Variants in PLEKHA7 observed in about 807,000 individuals in gnomAD.
The protein encoded by PLEKHA7 is pleckstrin homology domain containing A7.
PLEKHA7 carries 104 observed loss-of-function variants against 170.0 expected under a neutral mutation model. The ratio of observed to expected loss-of-function variants is 0.61; its 90% CI spans 0.52 to 0.72. PLEKHA7 has a LOEUF of 0.72. PLEKHA7 is among the 30% of genes least tolerant of loss of function. PLEKHA7 has a pLI of 0.00. For synonymous variants in PLEKHA7, 648 were observed against 660.8 expected (o/e 0.98, Z 0.30); for missense variants, 1,615 against 1,671.7 (o/e 0.97, Z 0.59).
At chr11:16,895,420 C>T (rs1313692733) in intron 3 of PLEKHA7, among the ~76,000 whole-genome samples, 1 of 152,222 alleles carries the variant, frequency 6.6e-6, no homozygotes, top group Non-Finnish European at 1.5e-5. Flanking sequence ...GCACTTCCTC[C>T]TTTGGCAACA....
chr11:16,887,336 CCCTCTCCCTCTCCCCACGGTCTG>C (rs796562694), intron 3 of PLEKHA7, among the ~76,000 whole-genome samples: 42,657 of 143,644 alleles, frequency 0.3, 7,695 homozygotes, highest in East Asian at 0.6. Flanking sequence ...CCCACGGTCT[CCCTCTCCCTCTCCCCACGGTCTG>C]CCTCTCCCTC....
rs544516342 is a variant in PLEKHA7 at position 16,818,191 on chromosome 11, A to T, written c.1344-869T>A. On this transcript the variant is annotated intron_variant, in intron 10 of 26. Coordinates refer to ENST00000531066, the MANE Select transcript of PLEKHA7 (RefSeq NM_001329630.2). ...TAACCTGGGTTTGAAGCCAAGCTTG[A>T]CACTTGCTGGCTTTGTGACCCTAGG... Among the ~76,000 whole-genome samples, 3 of 152,340 alleles carry T rather than the reference A, an allele frequency of 2.0e-5. No homozygotes were observed. In the East Asian group the frequency reaches 5.8e-4, roughly 29 times the overall value.
At chr11:16,990,273 CAAAAAAAAAA>C (rs550741646) in intron 3 of PLEKHA7, among the ~76,000 whole-genome samples, 3 of 62,700 alleles carry the variant, frequency 4.8e-5, no homozygotes, top group African/African-American at 1.9e-4. Flanking sequence ...GACCCTGTCT[CAAAAAAAAAA>C]AAAAAAAAAA....
chr11:16,801,701 G>C lies in PLEKHA7; in HGVS notation c.2274C>G (p.Val758=). Reference sequence around the variant, plus strand: ...CTCTGGAGAGCTCAGCTCGGATATGGACAAGGTCCTCCTGCAGCAACTTCT... The same window carrying C: ...CTCTGGAGAGCTCAGCTCGGATATGCACAAGGTCCTCCTGCAGCAACTTCT... ...YQQKLLQEDL[V]HIRAELSRES... The change falls in exon 16 of 27, where the codon GTC becomes GTG. Residue 758 remains valine, a synonymous_variant. Coordinates refer to ENST00000531066, the MANE Select transcript of PLEKHA7 (RefSeq NM_001329630.2). 1 of 1,614,098 alleles carries C rather than the reference G, an allele frequency of 6.2e-7. No homozygotes were observed. Among genetic ancestry groups the C allele is most frequent in the Non-Finnish European group, 8.5e-7 (1 of 1,180,020 alleles).
At chr11:16,940,359 C>T (rs1860607533) in intron 3 of PLEKHA7, among the ~76,000 whole-genome samples, 1 of 144,606 alleles carries the variant, frequency 6.9e-6, no homozygotes, top group African/African-American at 2.6e-5. Flanking sequence ...GTGATCTGGG[C>T]TCACTGAAAC....
intron 3 of PLEKHA7, among the ~76,000 whole-genome samples, chr11:16,919,962 G>C (rs1858968039): frequency 6.6e-6 from 1 of 152,064 alleles, no homozygotes; most frequent in East Asian, 1.9e-4. Flanking sequence ...TCATAACAGA[G>C]GACACTTACT....
At chr11:16,909,499 A>G (rs991606) in intron 3 of PLEKHA7, among the ~76,000 whole-genome samples, 80,965 of 152,084 alleles carry the variant, frequency 0.53, 22,568 homozygotes, top group African/African-American at 0.68. Context: ...GTAGTACCCT[A>G]GATACAGAGT....
chr11:16,794,425 G>T, intron 19 of PLEKHA7, 63 bp downstream of exon 19: 3 of 1,501,314 alleles, frequency 2.0e-6, no homozygotes, highest in South Asian at 2.3e-5. Flanking sequence ...TCTCTCCCAG[G>T]AGAAGGTAAT....
rs539625316 is a variant in PLEKHA7 at position 17,009,340 on chromosome 11, C to A, written c.221+4649G>T. Among the ~76,000 whole-genome samples, 26 of 152,246 alleles carry A rather than the reference C, an allele frequency of 1.7e-4. No homozygotes were observed. In the South Asian group the frequency reaches 5.2e-3, roughly 30 times the overall value. ...ATAAGAAAAGACACAAGAAAAAAAA[C>A]CATCTGCTATAGGAATGTCCAGGAT... On this transcript the variant is annotated intron_variant, in intron 3 of 26. Coordinates refer to ENST00000531066, the MANE Select transcript of PLEKHA7 (RefSeq NM_001329630.2).
Position 17,013,704 on chromosome 11 carries a change from G to T in PLEKHA7, c.221+285C>A, listed in dbSNP as rs6486343. Among the ~76,000 whole-genome samples, 96,600 of 152,112 alleles carry T rather than the reference G, an allele frequency of 0.64. 31,319 individuals carry two copies. The highest frequency in any genetic ancestry group is 0.96 in the East Asian group (4,953 of 5,150). On this transcript the variant is annotated intron_variant, in intron 3 of 26. Transcript: ENST00000531066. Reference sequence around the variant, plus strand: ...CCTAGAGGGGAGGCGTGCCCAGCCCGCACACCAGCACCCGAATCCAGCCGG... The same window carrying T: ...CCTAGAGGGGAGGCGTGCCCAGCCCTCACACCAGCACCCGAATCCAGCCGG...
At chr11:17,005,855 C>G (rs1590835494) in intron 3 of PLEKHA7, among the ~76,000 whole-genome samples, 3 of 152,276 alleles carry the variant, frequency 2.0e-5, no homozygotes, top group East Asian at 3.9e-4. Flanking sequence ...CAGTTTTTAC[C>G]CTTGAAAATG....
chr11:16,998,142 A>G (rs997944592), intron 3 of PLEKHA7, among the ~76,000 whole-genome samples: 4 of 152,230 alleles, frequency 2.6e-5, no homozygotes, highest in African/African-American at 9.6e-5. Context: ...TGAAGCCCTT[A>G]GAACAGTGTA....
At chr11:16,889,400 CAAAAAAAAAA>C (rs869268116) in intron 3 of PLEKHA7, among the ~76,000 whole-genome samples, 1 of 52,730 alleles carries the variant, frequency 1.9e-5, no homozygotes, top group African/African-American at 5.8e-5. Flanking sequence ...CTTTATTGCT[CAAAAAAAAAA>C]AAAAAAAAAA....
intron 23 of PLEKHA7, chr11:16,788,151 C>T (rs184706138): frequency 5.9e-5 from 9 of 152,560 alleles, no homozygotes; most frequent in African/African-American, 1.2e-4. Flanking sequence ...ATGACTGTGG[C>T]GTCAGGCAGC....
At chr11:16,915,922 CCT>C (rs1456739592) in intron 3 of PLEKHA7, among the ~76,000 whole-genome samples, 1 of 150,020 alleles carries the variant, frequency 6.7e-6, no homozygotes, top group Non-Finnish European at 1.5e-5. Context: ...GTTCTAGATC[CCT>C]GAGGAATCGC....
chr11:16,941,050 G>T (rs1297717932), intron 3 of PLEKHA7, among the ~76,000 whole-genome samples: 3 of 152,158 alleles, frequency 2.0e-5, no homozygotes, highest in Non-Finnish European at 4.4e-5. Context: ...TTACCTCCAA[G>T]AAATAACTAC....
intron 3 of PLEKHA7, among the ~76,000 whole-genome samples, chr11:16,890,678 T>C (rs73425234): frequency 0.013 from 1,916 of 152,228 alleles, 50 homozygotes; most frequent in African/African-American, 0.044. Context: ...ATGAGGAAAC[T>C]GAGACCTGGG....
At chr11:16,877,003 G>A (rs1855348543) in intron 3 of PLEKHA7, among the ~76,000 whole-genome samples, 1 of 152,172 alleles carries the variant, frequency 6.6e-6, no homozygotes, top group South Asian at 2.1e-4. Context: ...TGACAAATCT[G>A]CTCCGTCAGC....
chr11:17,004,485 T>G (rs900863550), intron 3 of PLEKHA7, among the ~76,000 whole-genome samples: 1 of 151,786 alleles, frequency 6.6e-6, no homozygotes, highest in Non-Finnish European at 1.5e-5. Context: ...CTCTGCCTCC[T>G]GGGTTCAAGT....
Sources: gnomAD v4.1 joint callset for allele counts (sites outside exome capture counted in the v4.1 genomes callset) on GRCh38, gnomAD v4.1.1 for gene constraint, MANE v1.5 for transcripts, NCBI Gene and HGNC (gene_info 2026-07-23, HGNC 2026-07-21) for gene names.